The following CYYR1 variants were observed in gnomAD, a reference collection of about 807,000 sequenced individuals.
CYYR1 encodes the protein cysteine and tyrosine-rich protein 1.
CYYR1 carries 14 observed loss-of-function variants against 15.2 expected under a neutral mutation model. The ratio of observed to expected loss-of-function variants is 0.92; its 90% CI spans 0.61 to 1.44. CYYR1 has a LOEUF of 1.44. Ranked by LOEUF, CYYR1 falls within the 40% of genes most tolerant of loss-of-function variation. The pLI, the probability that CYYR1 is intolerant of heterozygous loss-of-function variation, is 0.00. For missense variants in CYYR1, 228 were observed against 209.5 expected, an observed-to-expected ratio of 1.09 and a Z score of -0.54; for synonymous variants, 80 against 77.4, an observed-to-expected ratio of 1.03 and a Z score of -0.18.
Position 26,571,141 on chromosome 21 carries a change from CTG to C in CYYR1, c.73+1725_73+1726del, listed in dbSNP as rs1980983989. On this transcript the variant is annotated intron_variant, in intron 1 of 3. Coordinates refer to ENST00000652641, the MANE Select transcript of CYYR1 (RefSeq NM_001320768.2). ...ATCATACCGTAGTTCCCAGAGAAGA[CTG>C]ATAAGAACATGACCTCTTACGGCTC... 6.6e-5 allele frequency among the ~76,000 whole-genome samples: 10 copies of C among 152,318 alleles called. 1 individual carries two copies. In the South Asian group the frequency reaches 1.9e-3, roughly 28 times the overall value.
chr21:26,486,134 G>C (rs77396519), intron 2 of CYYR1, among the ~76,000 whole-genome samples: 28,289 of 151,898 alleles, frequency 0.19, 2,931 homozygotes, highest in Non-Finnish European at 0.22. Context: ...TGGATTGCTT[G>C]GTTATTTTAC....
intron 2 of CYYR1, among the ~76,000 whole-genome samples, chr21:26,484,479 G>T (rs1478104920): frequency 6.6e-6 from 1 of 152,100 alleles, no homozygotes; most frequent in Non-Finnish European, 1.5e-5. Context: ...ATATTTGGAT[G>T]TGTTGCTATT....
chr21:26,543,183 T>C (rs1281721257), intron 2 of CYYR1, among the ~76,000 whole-genome samples: 1 of 152,120 alleles, frequency 6.6e-6, no homozygotes, highest in Non-Finnish European at 1.5e-5. Flanking sequence ...TGGAGTCTGT[T>C]GCGTGGTGGA....
At chr21:26,562,336 C>G (rs188783365) in intron 2 of CYYR1, among the ~76,000 whole-genome samples, 2 of 152,104 alleles carry the variant, frequency 1.3e-5, no homozygotes, top group South Asian at 2.1e-4. Flanking sequence ...TCATTTGGAG[C>G]CTTCTTATCT....
chr21:26,530,479 A>G (rs915477193), intron 2 of CYYR1, among the ~76,000 whole-genome samples: 1 of 151,950 alleles, frequency 6.6e-6, no homozygotes, highest in African/African-American at 2.4e-5. Context: ...TTTTTTAATT[A>G]TACTTTAAGT....
At chr21:26,530,697 G>A (rs2123602477) in intron 2 of CYYR1, among the ~76,000 whole-genome samples, 1 of 152,188 alleles carries the variant, frequency 6.6e-6, no homozygotes, top group South Asian at 2.1e-4. Context: ...CCACTTATGA[G>A]TGAGAACAGG....
At chr21:26,551,687 C>T (rs1018113028) in intron 2 of CYYR1, 1 of 167,022 alleles carries the variant, frequency 6.0e-6, no homozygotes, top group African/African-American at 2.4e-5. Flanking sequence ...AAAACTTGAA[C>T]ATAACAGCAG....
At chr21:26,487,098 A>G (rs1348471939) in intron 2 of CYYR1, among the ~76,000 whole-genome samples, 1 of 152,048 alleles carries the variant, frequency 6.6e-6, no homozygotes, top group East Asian at 1.9e-4. Flanking sequence ...TTTTACACCT[A>G]TACAAAAAGT....
At chr21:26,546,113 T>C (rs557284196) in intron 2 of CYYR1, among the ~76,000 whole-genome samples, 132 of 152,330 alleles carry the variant, frequency 8.7e-4, no homozygotes, top group Middle Eastern at 6.8e-3. Context: ...TAACATAGTA[T>C]GTCCTCTAAC....
intron 2 of CYYR1, among the ~76,000 whole-genome samples, chr21:26,486,419 T>A (rs748933927): frequency 3.3e-5 from 5 of 152,012 alleles, no homozygotes; most frequent in South Asian, 2.1e-4. Context: ...AAACCTATGA[T>A]CTATTTTTGT....
At chr21:26,518,209 C>T (rs2065758972) in intron 2 of CYYR1, among the ~76,000 whole-genome samples, 1 of 152,196 alleles carries the variant, frequency 6.6e-6, no homozygotes, top group Non-Finnish European at 1.5e-5. Flanking sequence ...AAATTCCAAA[C>T]TTAGACCACT....
intron 2 of CYYR1, among the ~76,000 whole-genome samples, chr21:26,500,998 T>A (rs1380893019): frequency 2.0e-5 from 3 of 152,184 alleles, no homozygotes; most frequent in Non-Finnish European, 4.4e-5. Context: ...AAGAAAAGGA[T>A]GGACATTTCA....
intron 2 of CYYR1, among the ~76,000 whole-genome samples, chr21:26,557,060 A>G (rs1375594899): frequency 6.6e-6 from 1 of 152,142 alleles, no homozygotes; most frequent in Non-Finnish European, 1.5e-5. Flanking sequence ...AGCCCTTTAC[A>G]TAGCAGCTAT....
chr21:26,469,613 G>A (rs73365107), intron 3 of CYYR1, among the ~76,000 whole-genome samples: 9,467 of 151,986 alleles, frequency 0.062, 1,000 homozygotes, highest in African/African-American at 0.22. Context: ...TCAAACATTT[G>A]TCATTTCTTT....
intron 2 of CYYR1, among the ~76,000 whole-genome samples, chr21:26,503,962 A>G (rs2065517417): frequency 6.6e-6 from 1 of 152,100 alleles, no homozygotes; most frequent in African/African-American, 2.4e-5. Context: ...TTTGAACTCT[A>G]TTATGTATTA....
chr21:26,503,326 T>C (rs996120142), intron 2 of CYYR1, among the ~76,000 whole-genome samples: 5 of 152,286 alleles, frequency 3.3e-5, no homozygotes, highest in Admixed American at 2.6e-4. Flanking sequence ...TAATTTGAGG[T>C]ATATGATCAA....
At chr21:26,471,606 C>T (rs553004558) in intron 3 of CYYR1, 1 of 152,298 alleles carries the variant, frequency 6.6e-6, no homozygotes, top group East Asian at 1.9e-4. Flanking sequence ...TTTATAATAT[C>T]AGCCACTGGA....
intron 2 of CYYR1, among the ~76,000 whole-genome samples, chr21:26,524,720 T>C (rs2065842906): frequency 6.6e-6 from 1 of 152,240 alleles, no homozygotes; most frequent in Non-Finnish European, 1.5e-5. Flanking sequence ...AAAGATCACT[T>C]AGCAAATAAC....
intron 2 of CYYR1, among the ~76,000 whole-genome samples, chr21:26,500,438 G>C (rs1229425587): frequency 6.6e-6 from 1 of 152,156 alleles, no homozygotes; most frequent in Non-Finnish European, 1.5e-5. Flanking sequence ...AGTCTTTGTG[G>C]AGCGGATGAT....
Sources: gnomAD v4.1 joint callset for allele counts (sites outside exome capture counted in the v4.1 genomes callset) on GRCh38, gnomAD v4.1.1 for gene constraint, MANE v1.5 for transcripts, NCBI Gene and HGNC (gene_info 2026-07-23, HGNC 2026-07-21) for gene names.